KRT34: variants seen among roughly 807,000 people sequenced by gnomAD.
The protein encoded by KRT34 is keratin 34.
Under a neutral mutation model 41.7 loss-of-function variants are expected in KRT34, and 31 were observed. That is an observed-to-expected ratio of 0.74 (90% CI 0.56 to 1.00). The LOEUF is 1.00. KRT34 is among the 50% of genes least tolerant of loss of function. The pLI is 0.00. For synonymous variants in KRT34, 224 were observed against 212.9 expected, an observed-to-expected ratio of 1.05 and a Z score of -0.45; for missense variants, 523 against 500.3, an observed-to-expected ratio of 1.05 and a Z score of -0.43.
In KRT34 at chr17:41,379,194, A is replaced by G. The variant is rs751996855; in HGVS notation, c.877-18T>C. 28 of 1,613,958 alleles carry G rather than the reference A, an allele frequency of 1.7e-5. No homozygotes were observed. In the East Asian group the frequency reaches 1.8e-4, roughly 10 times the overall value. ...GAGTCTCGCTGTGGTGGGGAAGATCAGGAATGTCAGAGAGCTGCTCCTTCA... is the reference window on the plus strand; with the variant it reads ...GAGTCTCGCTGTGGTGGGGAAGATCGGGAATGTCAGAGAGCTGCTCCTTCA... On this transcript the variant is annotated intron_variant, in intron 5 of 6. Coordinates refer to ENST00000394001, the MANE Select transcript of KRT34 (RefSeq NM_001386014.1).
At chr17:41,380,361 T>A (rs1178171559) in intron 3 of KRT34, among the ~76,000 whole-genome samples, 1 of 152,218 alleles carries the variant, frequency 6.6e-6, no homozygotes, top group Non-Finnish European at 1.5e-5. Context: ...TGTTGTCCCA[T>A]AGAAACGGAA....
chr17:41,382,438 G>T (rs2018014872), upstream of KRT34: 2 of 1,317,736 alleles, frequency 1.5e-6, no homozygotes, highest in Non-Finnish European at 2.1e-6. Flanking sequence ...CTTCTAAAGA[G>T]TCCCCCCTCA....
upstream of KRT34, chr17:41,382,309 G>A (rs1597701410): frequency 1.9e-6 from 3 of 1,613,406 alleles, no homozygotes; most frequent in Admixed American, 5.0e-5. Flanking sequence ...GCAGGTTTGA[G>A]TCTCTCCTTC....
chr17:41,379,758 C>A, intron 3 of KRT34, 27 bp from the exon 4 acceptor site: 4 of 1,570,470 alleles, frequency 2.5e-6, no homozygotes, highest in Non-Finnish European at 3.4e-6. Flanking sequence ...AAACAATGAA[C>A]CTACGGCAAT....
intron 5 of KRT34, 81 bp downstream of exon 5, chr17:41,379,272 G>C (rs2017919716): frequency 1.2e-6 from 2 of 1,609,992 alleles, no homozygotes; most frequent in South Asian, 1.1e-5. Flanking sequence ...GAGCTAAGGA[G>C]AGTGTGTGGC....
Position 41,381,214 on chromosome 17 carries a change from T to A in KRT34, c.432-2A>T, listed in dbSNP as rs146768248. 1.2e-6 allele frequency: 2 copies of A among 1,612,092 alleles called. No homozygotes were observed. The highest frequency in any genetic ancestry group is 1.1e-5 in the South Asian group (1 of 90,850). The stretch of plus-strand genomic sequence containing the variant: ...CTCAGGGACTGCTCCGTCTGGTACC[T>A]GCACGTGTCGGAGTGGGAGGATAAG... On this transcript the variant is annotated splice_acceptor_variant, in intron 2 of 6. Transcript: ENST00000394001. LOFTEE classifies it high-confidence loss of function.
Position 41,382,169 on chromosome 17 carries a change from G to A in KRT34, c.78C>T (p.Cys26=). 1 of 1,612,388 alleles carries A rather than the reference G, an allele frequency of 6.2e-7. No individual in the cohort carries two copies. The highest frequency in any genetic ancestry group is 8.5e-7 in the Non-Finnish European group (1 of 1,180,026). The change falls in exon 1 of 7, where the codon TGC becomes TGT. Residue 26 remains cysteine (C), a synonymous_variant. Coordinates refer to ENST00000394001, the MANE Select transcript of KRT34 (RefSeq NM_001386014.1). ...AGGCCCCAGGCAGGGTGTAGCCGTG[G>A]CAGCTGGGGGGCACGCAGGGCCGGG... is the stretch of plus-strand genomic sequence containing the variant. ...CSSRPCVPPS[C]HGYTLPGACN...
rs745725606 is a variant in KRT34, at chr17:41,379,114, C to T, written c.939G>A (p.Gln313=). The change falls in exon 6 of 7, where the codon CAG becomes CAA. Residue 313 remains glutamine (Q), a synonymous_variant. Coordinates refer to ENST00000394001, the MANE Select transcript of KRT34 (RefSeq NM_001386014.1). ...CCACGTTGGTGATCAGGCTCTGCACCTGGGACAGCTGGGAGCTGTAGTGGG... is the reference window on the plus strand; with the variant it reads ...CCACGTTGGTGATCAGGCTCTGCACTTGGGACAGCTGGGAGCTGTAGTGGG... ...SEAHYSSQLS[Q]VQSLITNVES... is the part of the protein sequence containing the mutation. The T allele has an allele frequency of 3.7e-6, 6 of 1,614,088 alleles. No individual in the cohort carries two copies.
rs927199382 is a variant in KRT34, at chr17:41,377,894, G to A, written c.*165C>T. 1.7e-6 allele frequency: 1 copy of A among 589,708 alleles called. No homozygotes were observed. The highest frequency in any genetic ancestry group is 2.8e-5 in the Admixed American group (1 of 35,650). The allele number at this position is 589,708 out of a possible 1,614,324, so 36.5% of individuals were successfully genotyped here. On this transcript the variant is annotated 3_prime_UTR_variant, in exon 7 of 7. Coordinates refer to ENST00000394001, the MANE Select transcript of KRT34 (RefSeq NM_001386014.1). ...CAGACATTGGAAGTTGATGATGTGT[G>A]TCTTTGCTTGGGTCAGGAAAGCTTT...
Position 41,382,069 on chromosome 17 carries a change from T to G in KRT34, c.178A>C (p.Met60Leu). The G allele has an allele frequency of 1.2e-6, 2 of 1,613,432 alleles. No individual in the cohort carries two copies. The highest frequency in any genetic ancestry group is 1.7e-6 in the Non-Finnish European group (2 of 1,180,048). The change falls in exon 1 of 7, where the codon ATG (methionine) becomes CTG (leucine). Residue 60 changes from methionine to leucine, a missense_variant. Transcript: ENST00000394001. ...GCCAGGCGGTCGTTCAGGAACTGCATAGTCTCCTTCTCGCTGCCATTGAAG... is the reference window on the plus strand; with the variant it reads ...GCCAGGCGGTCGTTCAGGAACTGCAGAGTCTCCTTCTCGCTGCCATTGAAG... ...GSFNGSEKET[M>L]QFLNDRLASY...
intron 6 of KRT34, 58 bp from the exon 7 acceptor site, chr17:41,378,204 C>T: frequency 1.8e-6 from 2 of 1,100,826 alleles, no homozygotes; most frequent in Non-Finnish European, 2.8e-6. Context: ...GCACACAATA[C>T]CTTGGGCTTA....
chr17:41,378,177 T>A (rs774600491), intron 6 of KRT34, 31 bp from the exon 7 acceptor site: 1 of 1,482,330 alleles, frequency 6.7e-7, no homozygotes, highest in Non-Finnish European at 9.4e-7. Context: ...AGAATGGCTT[T>A]AGGAGGAGGT....
chr17:41,377,883 T>G lies in KRT34; in HGVS notation c.*176A>C. On this transcript the variant is annotated 3_prime_UTR_variant, in exon 7 of 7. Transcript: ENST00000394001. ...AAGGAGTTGTCCAGACATTGGAAGT[T>G]GATGATGTGTGTCTTTGCTTGGGTC... 1 of 573,116 alleles carries G rather than the reference T, an allele frequency of 1.7e-6. No individual in the cohort carries two copies. The highest frequency in any genetic ancestry group is 2.8e-5 in the East Asian group (1 of 36,072). 35.5% of individuals were successfully genotyped at this position (573,116 alleles called of 1,614,324 possible). A position where few individuals can be genotyped will look rare whatever the true frequency, so the allele number is the denominator to read the frequency against.
upstream of KRT34, among the ~76,000 whole-genome samples, chr17:41,383,308 C>T (rs1309240175): frequency 6.6e-6 from 1 of 152,170 alleles, no homozygotes; most frequent in Non-Finnish European, 1.5e-5. Flanking sequence ...TGAGCCAATG[C>T]GTCCGGCAGT....
chr17:41,382,442 C>G, upstream of KRT34: 5 of 1,238,360 alleles, frequency 4.0e-6, no homozygotes, highest in Admixed American at 4.5e-5. Flanking sequence ...TAAAGAGTCC[C>G]CCCTCAACCC....
At chr17:41,378,223 A>G in intron 6 of KRT34, 77 bp from the exon 7 acceptor site, 1 of 916,906 alleles carries the variant, frequency 1.1e-6, no homozygotes, top group Non-Finnish European at 1.8e-6. Flanking sequence ...TAATGACACA[A>G]CCTATGAATT....
intron 3 of KRT34, among the ~76,000 whole-genome samples, chr17:41,380,154 G>C (rs566911600): frequency 6.6e-6 from 1 of 152,100 alleles, no homozygotes; most frequent in African/African-American, 2.4e-5. Flanking sequence ...AGCTACTCAG[G>C]AGGCTGAGGC....
upstream of KRT34, chr17:41,382,351 G>C (rs2018012849): frequency 1.2e-6 from 2 of 1,612,232 alleles, no homozygotes. Context: ...TTAATTGTGG[G>C]TGGGGGCTTG....
rs751417439 is a variant in KRT34, at chr17:41,382,174, TG to T, written c.72del (p.Ser25AlafsTer17). Reference protein sequence around the residue: ...TSCSSRPCVPPSCHGYTLPGA... With the variant: ...TSCSSRPCVPXSCHGYTLPGA... ...CCAGGCAGGGTGTAGCCGTGGCAGC[TG>T]GGGGGCACGCAGGGCCGGGAGGAGC... On this transcript the variant is annotated frameshift_variant, in exon 1 of 7. Coordinates refer to ENST00000394001, the MANE Select transcript of KRT34 (RefSeq NM_001386014.1). LOFTEE classifies it high-confidence loss of function. The T allele has an allele frequency of 5.0e-6, 8 of 1,612,162 alleles. No individual in the cohort carries two copies. In the African/African-American group the frequency reaches 8.0e-5, roughly 16 times the overall value.
Sources: gnomAD v4.1 joint callset for allele counts (sites outside exome capture counted in the v4.1 genomes callset) on GRCh38, gnomAD v4.1.1 for gene constraint, MANE v1.5 for transcripts, NCBI Gene and HGNC (gene_info 2026-07-23, HGNC 2026-07-21) for gene names.